MTBP: variants seen among roughly 807,000 people sequenced by gnomAD.
MTBP encodes mdm2-binding protein.
In MTBP, 101 loss-of-function variants were observed where a neutral mutation model predicts 117.0. The observed-to-expected ratio is 0.86, with a 90% CI of 0.73 to 1.02. The LOEUF is 1.02. MTBP is among the 50% of genes least tolerant of loss of function. The pLI is 0.00. For missense variants in MTBP, 970 were observed against 1,030.9 expected (o/e 0.94, Z 0.81); for synonymous variants, 350 against 351.5 (o/e 1.00, Z 0.05).
At chr8:120,445,622 T>C in intron 1 of MTBP, 34 bp downstream of exon 1, 1 of 1,538,128 alleles carries the variant, frequency 6.5e-7, no homozygotes, top group Non-Finnish European at 8.9e-7. Flanking sequence ...CGGGAACGGC[T>C]TGTGGAGAGG....
intron 11 of MTBP, chr8:120,473,610 T>G (rs888674810): frequency 1.5e-4 from 23 of 152,078 alleles, no homozygotes; most frequent in African/African-American, 5.6e-4. Flanking sequence ...AACATAGCCT[T>G]AAGAGCTCAA....
At chr8:120,447,911 A>T (rs577144523) in intron 2 of MTBP, among the ~76,000 whole-genome samples, 1 of 147,094 alleles carries the variant, frequency 6.8e-6, no homozygotes, top group East Asian at 2.0e-4. Flanking sequence ...TCAACTTCCA[A>T]TGTTTTATTC....
intron 11 of MTBP, among the ~76,000 whole-genome samples, chr8:120,478,250 T>A (rs1420105217): frequency 6.6e-6 from 1 of 151,994 alleles, no homozygotes; most frequent in African/African-American, 2.4e-5. Context: ...CTGGGGCCTG[T>A]CAGGGTATGG....
At chr8:120,498,360 A>C (rs1242771263) in intron 14 of MTBP, among the ~76,000 whole-genome samples, 1 of 152,188 alleles carries the variant, frequency 6.6e-6, no homozygotes, top group African/African-American at 2.4e-5. Flanking sequence ...ATCAGTACCC[A>C]AGTTAAATAG....
At chr8:120,486,166 G>C (rs955878142) in intron 11 of MTBP, among the ~76,000 whole-genome samples, 1 of 152,048 alleles carries the variant, frequency 6.6e-6, no homozygotes, top group Non-Finnish European at 1.5e-5. Flanking sequence ...TAATGAACTA[G>C]ATCTTTTGCT....
At chr8:120,504,874 TTTGGTAG>T (rs1814660273) in intron 15 of MTBP, among the ~76,000 whole-genome samples, 1 of 152,082 alleles carries the variant, frequency 6.6e-6, no homozygotes, top group Non-Finnish European at 1.5e-5. Context: ...TGTTAAAATT[TTTGGTAG>T]TCATATTTTA....
intron 11 of MTBP, among the ~76,000 whole-genome samples, chr8:120,475,035 T>C (rs924092980): frequency 5.3e-5 from 8 of 151,164 alleles, no homozygotes; most frequent in Non-Finnish European, 8.9e-5. Flanking sequence ...GGCACTGTTT[T>C]ACATGCTGGA....
chr8:120,471,827 T>C (rs1160302897), intron 11 of MTBP: 1 of 152,142 alleles, frequency 6.6e-6, no homozygotes, highest in Admixed American at 6.5e-5. Context: ...TCTTGTGCTC[T>C]TTACCACTAC....
intron 17 of MTBP, among the ~76,000 whole-genome samples, chr8:120,512,191 C>T (rs951810019): frequency 6.6e-6 from 1 of 152,054 alleles, no homozygotes; most frequent in East Asian, 1.9e-4. Flanking sequence ...TGAAAAGTAG[C>T]GTTCACTGTT....
intron 11 of MTBP, among the ~76,000 whole-genome samples, chr8:120,487,076 A>G (rs1027017794): frequency 3.3e-5 from 5 of 152,300 alleles, no homozygotes; most frequent in Admixed American, 2.6e-4. Context: ...CTGATAATCA[A>G]TCAACCCTTA....
intron 5 of MTBP, among the ~76,000 whole-genome samples, chr8:120,455,227 A>G (rs1813442808): frequency 6.6e-6 from 1 of 152,028 alleles, no homozygotes; most frequent in Non-Finnish European, 1.5e-5. Context: ...TCAATAAATG[A>G]TGAACATTTA....
chr8:120,510,000 A>G lies in MTBP; in HGVS notation c.1950A>G (p.Lys650=), dbSNP rs753643260. Reference sequence around the variant, plus strand: ...AACTTCAGGTCTTACCTTTTGAGAAAGCCTCAGTATGTCATTATCATGGAA... The same window carrying G: ...AACTTCAGGTCTTACCTTTTGAGAAGGCCTCAGTATGTCATTATCATGGAA... The part of the protein sequence containing the change: ...PGKLQVLPFE[K]ASVCHYHGIE... The change falls in exon 17 of 22, where the codon AAA becomes AAG. Residue 650 remains lysine (K), a synonymous_variant. Transcript: ENST00000305949. 3 of 1,612,216 alleles carry G rather than the reference A, an allele frequency of 1.9e-6. No homozygotes were observed. The highest frequency in any genetic ancestry group is 1.7e-6 in the Non-Finnish European group (2 of 1,178,968).
chr8:120,501,326 C>A (rs1814582700), intron 14 of MTBP, among the ~76,000 whole-genome samples: 1 of 152,100 alleles, frequency 6.6e-6, no homozygotes. Flanking sequence ...TGGGCCAGTG[C>A]ACTCCAGCCT....
At chr8:120,495,729 T>G (rs1457476566) in intron 13 of MTBP, among the ~76,000 whole-genome samples, 2 of 152,146 alleles carry the variant, frequency 1.3e-5, no homozygotes, top group Admixed American at 6.5e-5. Context: ...TTTCGTGTGC[T>G]TAATTTTAGA....
At chr8:120,495,288 G>A (rs1002499443) in intron 13 of MTBP, among the ~76,000 whole-genome samples, 3 of 152,026 alleles carry the variant, frequency 2.0e-5, no homozygotes, top group Non-Finnish European at 2.9e-5. Context: ...TTTCTGTTGC[G>A]AAGTCAAATA....
intron 11 of MTBP, among the ~76,000 whole-genome samples, chr8:120,478,582 CATGTT>C (rs1341921244): frequency 3.9e-5 from 6 of 152,012 alleles, no homozygotes; most frequent in African/African-American, 1.4e-4. Context: ...TGAAAAGAAA[CATGTT>C]AAAGGCACTC....
At chr8:120,478,636 ATTC>A (rs908725348) in intron 11 of MTBP, among the ~76,000 whole-genome samples, 5 of 152,218 alleles carry the variant, frequency 3.3e-5, no homozygotes, top group South Asian at 2.1e-4. Context: ...TTGACTAACA[ATTC>A]TTCTAATAAA....
At chr8:120,455,287 TTAAAAC>T (rs1813444399) in intron 5 of MTBP, 142 bp from the exon 6 acceptor site, 1 of 482,148 alleles carries the variant, frequency 2.1e-6, no homozygotes, top group African/African-American at 2.0e-5. Flanking sequence ...ATTTCAGAAA[TTAAAAC>T]TAAAAGCTTC....
intron 17 of MTBP, 114 bp downstream of exon 17, chr8:120,510,143 C>A: frequency 1.4e-6 from 1 of 690,254 alleles, no homozygotes; most frequent in Non-Finnish European, 2.2e-6. Flanking sequence ...GAGGATATGT[C>A]AAAAACCTCA....
Sources: allele counts gnomAD v4.1 joint callset (sites outside exome capture counted in the v4.1 genomes callset), GRCh38; gene constraint gnomAD v4.1.1; transcripts MANE v1.5; gene names NCBI Gene and HGNC (gene_info 2026-07-23, HGNC 2026-07-21).